Variants in AFM observed in about 807,000 individuals in gnomAD.
AFM encodes afamin, also known as alpha-Alb.
AFM carries 82 observed loss-of-function variants against 68.7 expected under a neutral mutation model. The ratio of observed to expected loss-of-function variants is 1.19; its 90% CI spans 1.00 to 1.43. AFM has a LOEUF of 1.43. AFM is among the 40% of genes most tolerant of loss of function. The pLI, the probability that AFM is intolerant of heterozygous loss-of-function variation, is 0.00. For synonymous variants in AFM, 250 were observed against 234.2 expected (o/e 1.07, Z -0.61); for missense variants, 772 against 701.8 (o/e 1.10, Z -1.13).
chr4:73,487,567 A>G (rs1184120571), intron 5 of AFM, among the ~76,000 whole-genome samples, 157 bp from the exon 6 acceptor site: 3 of 152,212 alleles, frequency 2.0e-5, no homozygotes, highest in African/African-American at 7.2e-5. Flanking sequence ...CCGTAAGTGC[A>G]TATTTCTTTT....
chr4:73,499,354 T>C, intron 11 of AFM, 108 bp downstream of exon 11: 1 of 1,159,908 alleles, frequency 8.6e-7, no homozygotes, highest in Non-Finnish European at 1.1e-6. Flanking sequence ...CTTCACTGTT[T>C]TAATATTGTT....
At position 73,497,850 on chromosome 4, in the gene AFM, CG is replaced by C; in HGVS notation, c.1289+102del. On this transcript the variant is annotated intron_variant, in intron 10 of 14. Coordinates refer to ENST00000226355, the MANE Select transcript of AFM (RefSeq NM_001133.2). ...AGCTGTCAAGTTTTTCAGTTATGGC[CG>C]ATTCATAAACTCTTGGAAGAATTTT... The C allele has an allele frequency of 6.4e-6, 4 of 628,242 alleles. No homozygotes were observed. The South Asian group carries it at 1.2e-4, about 19-fold the overall frequency. The allele number at this position is 628,242 out of a possible 1,614,324, so 38.9% of individuals were successfully genotyped here. A position where few individuals can be genotyped will look rare whatever the true frequency, so the allele number is the denominator to read the frequency against.
At chr4:73,483,524 A>G (rs1304214456) in intron 1 of AFM, among the ~76,000 whole-genome samples, 2 of 152,246 alleles carry the variant, frequency 1.3e-5, no homozygotes, top group Non-Finnish European at 1.5e-5. Flanking sequence ...GCTAAAAACT[A>G]TGCTGACCAC....
At chr4:73,497,064 A>G (rs373434344) in intron 9 of AFM, among the ~76,000 whole-genome samples, 22 of 152,286 alleles carry the variant, frequency 1.4e-4, no homozygotes, top group African/African-American at 5.1e-4. Context: ...TTGCTCCACA[A>G]TAGCTATCCA....
intron 8 of AFM, among the ~76,000 whole-genome samples, chr4:73,492,338 A>G (rs891764525): frequency 6.6e-6 from 1 of 152,218 alleles, no homozygotes; most frequent in African/African-American, 2.4e-5. Context: ...TATACTTTAT[A>G]CAGATAAACT....
At chr4:73,498,495 C>T (rs1478783670) in intron 10 of AFM, among the ~76,000 whole-genome samples, 3 of 152,128 alleles carry the variant, frequency 2.0e-5, no homozygotes, top group South Asian at 2.1e-4. Context: ...CCATGTTGCA[C>T]AGGCTGGTCT....
At chr4:73,494,590 A>T (rs1224073096) in intron 8 of AFM, among the ~76,000 whole-genome samples, 1 of 152,210 alleles carries the variant, frequency 6.6e-6, no homozygotes, top group Non-Finnish European at 1.5e-5. Flanking sequence ...AAAACAGTAC[A>T]TATTTTGGGG....
At chr4:73,495,756 GT>G (rs1721237434) in intron 9 of AFM, among the ~76,000 whole-genome samples, 1 of 152,174 alleles carries the variant, frequency 6.6e-6, no homozygotes, top group Non-Finnish European at 1.5e-5. Flanking sequence ...AATGATTGCT[GT>G]AGATGACTAG....
At chr4:73,490,826 C>G (rs1721050356) in intron 7 of AFM, among the ~76,000 whole-genome samples, 1 of 152,152 alleles carries the variant, frequency 6.6e-6, no homozygotes, top group Non-Finnish European at 1.5e-5. Flanking sequence ...ATAAGAGATG[C>G]TCTGCCTAGA....
Position 73,495,255 on chromosome 4 carries a change from TG to T in AFM, c.1059-44del, listed in dbSNP as rs573518688. 5,669 of 1,530,870 alleles carry T rather than the reference TG, an allele frequency of 3.7e-3. 13 individuals are homozygous for T. The highest frequency in any genetic ancestry group is 4.5e-3 in the Non-Finnish European group (5,179 of 1,143,296). 94.8% of individuals were successfully genotyped at this position (1,530,870 alleles called of 1,614,324 possible). A position where few individuals can be genotyped will look rare whatever the true frequency, so the allele number is the denominator to read the frequency against. On this transcript the variant is annotated intron_variant, in intron 8 of 14. Coordinates refer to ENST00000226355, the MANE Select transcript of AFM (RefSeq NM_001133.2). ...TACAAAATAGTGGAATTGGGTTTTT[TG>T]CTCTTTCTCTAATTTCTAATATACA...
intron 10 of AFM, 75 bp from the exon 11 acceptor site, chr4:73,499,039 T>C: frequency 6.6e-7 from 1 of 1,521,968 alleles, no homozygotes; most frequent in South Asian, 1.3e-5. Flanking sequence ...TTGAAGGGTC[T>C]GGGCTTCAGC....
chr4:73,503,368 A>C (rs550360226), intron 14 of AFM, among the ~76,000 whole-genome samples: 1 of 152,252 alleles, frequency 6.6e-6, no homozygotes, highest in African/African-American at 2.4e-5. Context: ...GAGGCGCTTA[A>C]GTCCTCTGCC....
chr4:73,492,325 C>G (rs1015080506), intron 8 of AFM, among the ~76,000 whole-genome samples: 1 of 152,078 alleles, frequency 6.6e-6, no homozygotes, highest in Non-Finnish European at 1.5e-5. Context: ...AGTCATGGGA[C>G]TATATACTTT....
intron 7 of AFM, among the ~76,000 whole-genome samples, chr4:73,489,821 G>A (rs1345504180): frequency 2.0e-5 from 3 of 152,158 alleles, no homozygotes; most frequent in Non-Finnish European, 4.4e-5. Flanking sequence ...GGGCCTGTTG[G>A]GTTGAGATTG....
Position 73,497,623 on chromosome 4 carries a change from T to A in AFM, c.1192-29T>A, listed in dbSNP as rs776520483. On this transcript the variant is annotated intron_variant, in intron 9 of 14. Transcript: ENST00000226355. The stretch of plus-strand genomic sequence containing the variant: ...TTATGGTTAAATTTTAGATAAAATG[T>A]TTGTAACCATGATTATTCTTATTTT... 3 of 1,429,968 alleles carry A rather than the reference T, an allele frequency of 2.1e-6. No individual in the cohort carries two copies. In the Admixed American group the frequency reaches 5.3e-5, roughly 25 times the overall value. The allele number at this position is 1,429,968 out of a possible 1,614,324, so 88.6% of individuals were successfully genotyped here. A position where few individuals can be genotyped will look rare whatever the true frequency, so the allele number is the denominator to read the frequency against.
chr4:73,494,060 GGTGTGTGTGTGTGT>G (rs60080861), intron 8 of AFM, among the ~76,000 whole-genome samples: 2 of 147,714 alleles, frequency 1.4e-5, no homozygotes, highest in South Asian at 2.2e-4. Context: ...CATGTTTTTA[GGTGTGTGTGTGTGT>G]GTGTGTGTGT....
At chr4:73,496,400 C>T (rs1438064761) in intron 9 of AFM, among the ~76,000 whole-genome samples, 1 of 152,060 alleles carries the variant, frequency 6.6e-6, no homozygotes, top group African/African-American at 2.4e-5. Flanking sequence ...TGAACGTCTC[C>T]TTCCATTTAT....
chr4:73,495,151 C>T, intron 8 of AFM, 149 bp from the exon 9 acceptor site: 2 of 594,408 alleles, frequency 3.4e-6, no homozygotes, highest in Non-Finnish European at 5.4e-6. Context: ...GCCAAAATGT[C>T]CTCTTAAATT....
intron 1 of AFM, among the ~76,000 whole-genome samples, chr4:73,482,077 T>C (rs1014869266): frequency 4.6e-5 from 7 of 152,232 alleles, no homozygotes; most frequent in Admixed American, 2.0e-4. Context: ...GAAAGAGTTG[T>C]CACATCTGAA....
Sources: gnomAD v4.1 joint callset for allele counts (sites outside exome capture counted in the v4.1 genomes callset) on GRCh38, gnomAD v4.1.1 for gene constraint, MANE v1.5 for transcripts, NCBI Gene and HGNC (gene_info 2026-07-23, HGNC 2026-07-21) for gene names.